The following PCDH11X variants were observed in gnomAD, a reference collection of about 807,000 sequenced individuals.
PCDH11X encodes the protein protocadherin 11 X-linked, also known as protocadherin-11 X-linked.
PCDH11X carries 18 observed loss-of-function variants against 53.3 expected under a neutral mutation model. The ratio of observed to expected loss-of-function variants is 0.34; its 90% CI spans 0.23 to 0.50. The LOEUF (loss-of-function observed/expected upper bound fraction) is 0.50, where lower values mean the gene tolerates loss of function less well. PCDH11X is among the 20% of genes least tolerant of loss of function. The probability of loss-of-function intolerance (pLI) is 0.98; values close to 1 mark genes in which losing one functional copy is unlikely to be tolerated. For synonymous variants in PCDH11X, 279 were observed against 393.3 expected, an observed-to-expected ratio of 0.71 and a Z score of 3.44; for missense variants, 570 against 1,032.4, an observed-to-expected ratio of 0.55 and a Z score of 6.14.
intron 6 of PCDH11X, among the ~76,000 whole-genome samples, chrX:92,035,657 TC>T (rs1195499620): frequency 2.1e-5 from 1 of 46,603 alleles, no homozygotes; most frequent in Non-Finnish European, 3.9e-5. Flanking sequence ...TCTATAACTT[TC>T]TTGTACTTGA....
At chrX:91,966,693 A>G (rs1394397272) in intron 6 of PCDH11X, among the ~76,000 whole-genome samples, 1 of 112,242 alleles carries the variant, frequency 8.9e-6, no homozygotes, top group Non-Finnish European at 1.9e-5. Context: ...TCAAAAAACA[A>G]AAAAAGAAAT....
At chrX:92,488,732 C>T (rs1009593755) in intron 10 of PCDH11X, among the ~76,000 whole-genome samples, 5 of 99,790 alleles carry the variant, frequency 5.0e-5, no homozygotes, top group African/African-American at 1.8e-4. Flanking sequence ...AATATAAATA[C>T]AACAAAACGC....
chrX:92,213,992 C>A (rs773369522), intron 7 of PCDH11X, among the ~76,000 whole-genome samples: 6 of 111,839 alleles, frequency 5.4e-5, no homozygotes, highest in African/African-American at 1.9e-4. Context: ...CATGAGTCTT[C>A]TAGCAACGTC....
At chrX:92,216,319 A>G (rs2066711005) in intron 7 of PCDH11X, among the ~76,000 whole-genome samples, 1 of 108,904 alleles carries the variant, frequency 9.2e-6, no homozygotes, top group Non-Finnish European at 1.9e-5. Context: ...ATTTAGACGA[A>G]TGTATAACTA....
intron 10 of PCDH11X, among the ~76,000 whole-genome samples, chrX:92,565,938 T>A (rs1465530083): frequency 9.3e-6 from 1 of 107,017 alleles, no homozygotes; most frequent in Admixed American, 1.0e-4. Flanking sequence ...CTACAAAAAT[T>A]AAAAATTTTG....
intron 10 of PCDH11X, among the ~76,000 whole-genome samples, chrX:92,544,081 TTG>T (rs1228824613): frequency 3.7e-5 from 4 of 108,858 alleles, no homozygotes; most frequent in Non-Finnish European, 7.6e-5. Context: ...TGTGTGGCAG[TTG>T]TCAGACACCT....
intron 6 of PCDH11X, among the ~76,000 whole-genome samples, chrX:92,107,508 G>A (rs947261694): frequency 3.6e-5 from 4 of 111,813 alleles, no homozygotes; most frequent in Non-Finnish European, 3.8e-5. Flanking sequence ...AGGCAGAGGC[G>A]GGCTGATCAC....
At chrX:92,345,732 C>T (rs1200606003) in intron 8 of PCDH11X, among the ~76,000 whole-genome samples, 2 of 110,446 alleles carry the variant, frequency 1.8e-5, no homozygotes, top group Non-Finnish European at 3.8e-5. Context: ...CATGAAGTTA[C>T]GTCTGTCATC....
At chrX:92,023,796 A>G (rs1018467072) in intron 6 of PCDH11X, among the ~76,000 whole-genome samples, 2 of 108,471 alleles carry the variant, frequency 1.8e-5, no homozygotes, top group Non-Finnish European at 3.8e-5. Flanking sequence ...ACCTAGCAGG[A>G]CATCAAAAAG....
At chrX:91,966,641 A>G (rs2061868269) in intron 6 of PCDH11X, among the ~76,000 whole-genome samples, 1 of 111,285 alleles carries the variant, frequency 9.0e-6, no homozygotes, top group Non-Finnish European at 1.9e-5. Flanking sequence ...AACTTAAAGT[A>G]AAATTTAAAA....
intron 10 of PCDH11X, among the ~76,000 whole-genome samples, chrX:92,479,256 C>T (rs912479966): frequency 9.3e-6 from 1 of 107,780 alleles, no homozygotes; most frequent in African/African-American, 3.4e-5. Flanking sequence ...GGTGTCACTG[C>T]ATGTGAGATG....
chrX:91,926,535 G>A (rs1941954728), intron 6 of PCDH11X, among the ~76,000 whole-genome samples: 1 of 111,092 alleles, frequency 9.0e-6, no homozygotes, highest in Non-Finnish European at 1.9e-5. Context: ...TTTAACTATT[G>A]TAGATTTTAA....
chrX:92,195,361 C>A (rs1243707876), intron 6 of PCDH11X, among the ~76,000 whole-genome samples: 1 of 111,476 alleles, frequency 9.0e-6, no homozygotes, highest in African/African-American at 3.3e-5. Flanking sequence ...TGATTTGTTG[C>A]TCTTGACGAC....
intron 4 of PCDH11X, among the ~76,000 whole-genome samples, chrX:91,814,615 TTGTGA>T (rs1936397843): frequency 1.1e-5 from 1 of 93,550 alleles, no homozygotes; most frequent in African/African-American, 3.9e-5. Flanking sequence ...GCATGTGGAA[TTGTGA>T]TGTAAGATCT....
Position 91,970,151 on chromosome X carries a change from A to G in PCDH11X, c.3033+90878A>G, listed in dbSNP as rs1224837302. ...CACGAATGAAGCCGCAGACCTTCACAGTGAGTGTTACAGCTCTTTAAGGCA... is the reference window on the plus strand; with the variant it reads ...CACGAATGAAGCCGCAGACCTTCACGGTGAGTGTTACAGCTCTTTAAGGCA... On this transcript the variant is annotated intron_variant, in intron 6 of 10. Transcript: ENST00000682573. Among the ~76,000 whole-genome samples the G allele has an allele frequency of 2.7e-5, 3 of 111,079 alleles. No homozygotes were observed. The South Asian group carries it at 1.1e-3, about 43-fold the overall frequency.
chrX:92,352,526 G>A (rs2070079192), intron 8 of PCDH11X, among the ~76,000 whole-genome samples: 1 of 111,116 alleles, frequency 9.0e-6, no homozygotes, highest in African/African-American at 3.3e-5. Context: ...TATTGCTGGT[G>A]AGCTAGTGTA....
chrX:92,546,357 C>G (rs1003720450), intron 10 of PCDH11X, among the ~76,000 whole-genome samples: 50 of 111,524 alleles, frequency 4.5e-4, no homozygotes, highest in African/African-American at 1.6e-3. Context: ...TCAGAGAAGA[C>G]TGCATTGATT....
At chrX:91,868,618 T>G (rs936385737) in intron 5 of PCDH11X, among the ~76,000 whole-genome samples, 18 of 111,972 alleles carry the variant, frequency 1.6e-4, no homozygotes, top group Non-Finnish European at 3.0e-4. Context: ...AGTTGTATTA[T>G]TACTGACTTC....
At chrX:92,284,290 T>G in intron 8 of PCDH11X, among the ~76,000 whole-genome samples, 1 of 109,658 alleles carries the variant, frequency 9.1e-6, no homozygotes, top group Non-Finnish European at 1.9e-5. Context: ...TCTAAAGTTC[T>G]GCTTCCTAAT....
Sources: gnomAD v4.1 joint callset for allele counts (sites outside exome capture counted in the v4.1 genomes callset) on GRCh38, gnomAD v4.1.1 for gene constraint, MANE v1.5 for transcripts, NCBI Gene and HGNC (gene_info 2026-07-23, HGNC 2026-07-21) for gene names.